Variants in ATP13A4 observed in about 807,000 individuals in gnomAD.
ATP13A4 encodes the protein probable cation-transporting ATPase 13A4.
A neutral mutation model predicts 142.5 loss-of-function variants in ATP13A4; 114 were observed. The ratio of observed to expected loss-of-function variants is 0.80; its 90% CI spans 0.69 to 0.93. The LOEUF (loss-of-function observed/expected upper bound fraction) is 0.93. Among genes scored for constraint, ATP13A4 ranks in the 40% least tolerant of loss-of-function variants. The pLI, the probability that ATP13A4 is intolerant of heterozygous loss-of-function variation, is 0.00. For missense variants in ATP13A4, 1,392 were observed against 1,454.0 expected, an observed-to-expected ratio of 0.96 and a Z score of 0.69; for synonymous variants, 488 against 514.8, an observed-to-expected ratio of 0.95 and a Z score of 0.70.
At chr3:193,563,417 C>G (rs1217275523) in intron 2 of ATP13A4, among the ~76,000 whole-genome samples, 4 of 152,178 alleles carry the variant, frequency 2.6e-5, no homozygotes, top group Non-Finnish European at 4.4e-5. Flanking sequence ...ACTACTCATT[C>G]CAATGTTAAG....
Position 193,477,719 on chromosome 3 carries a change from C to T in ATP13A4, c.808+6217G>A, listed in dbSNP as rs183910261. Among the ~76,000 whole-genome samples the T allele has an allele frequency of 2.0e-5, 3 of 152,146 alleles. No homozygotes were observed. The South Asian group carries it at 6.2e-4, about 32-fold the overall frequency. On this transcript the variant is annotated intron_variant, in intron 8 of 29. Transcript: ENST00000342695. ...AAACCAGACCAAGTCCAGATGACTA[C>T]TGAGTTCAGAACACAAAGATGAGCA...
intron 2 of ATP13A4, among the ~76,000 whole-genome samples, chr3:193,580,772 T>A (rs1015791615): frequency 4.6e-5 from 7 of 152,092 alleles, no homozygotes; most frequent in Non-Finnish European, 1.0e-4. Flanking sequence ...GTTTTGAACA[T>A]GACATTGGCT....
At chr3:193,503,613 C>T (rs1268475476) in intron 2 of ATP13A4, among the ~76,000 whole-genome samples, 1 of 152,134 alleles carries the variant, frequency 6.6e-6, no homozygotes, top group Non-Finnish European at 1.5e-5. Context: ...TGAAGAGTGC[C>T]CTAGCTGACT....
At chr3:193,440,717 G>GACTGC in intron 20 of ATP13A4, 80 bp from the exon 21 acceptor site, 1 of 1,433,774 alleles carries the variant, frequency 7.0e-7, no homozygotes, top group South Asian at 1.2e-5. Context: ...TCAGAATGTT[G>GACTGC]ACTGCATCAT....
chr3:193,516,320 C>T (rs777210324), intron 1 of ATP13A4, among the ~76,000 whole-genome samples: 1 of 152,158 alleles, frequency 6.6e-6, no homozygotes, highest in Non-Finnish European at 1.5e-5. Flanking sequence ...ATACAGGTGC[C>T]GAATGGCTTT....
intron 2 of ATP13A4, among the ~76,000 whole-genome samples, chr3:193,577,999 T>C (rs1404564314): frequency 1.6e-4 from 24 of 152,188 alleles, no homozygotes; most frequent in Non-Finnish European, 7.4e-5. Flanking sequence ...GCATAATAAA[T>C]ATTGCATTTC....
intron 26 of ATP13A4, among the ~76,000 whole-genome samples, chr3:193,412,611 G>C (rs1198484391): frequency 6.8e-6 from 1 of 147,296 alleles, no homozygotes; most frequent in Admixed American, 6.7e-5. Flanking sequence ...TGGATACATT[G>C]AGAGAGAGAG....
intron 27 of ATP13A4, among the ~76,000 whole-genome samples, chr3:193,411,952 T>A (rs1183909122): frequency 6.6e-6 from 1 of 152,242 alleles, no homozygotes; most frequent in Non-Finnish European, 1.5e-5. Context: ...GGCAAACTTC[T>A]GGCGAAGGAA....
chr3:193,586,100 CACACACACACACACACATAT>C (rs899442144), intron 1 of ATP13A4, among the ~76,000 whole-genome samples: 7 of 127,076 alleles, frequency 5.5e-5, no homozygotes, highest in African/African-American at 1.4e-4. Flanking sequence ...TACACACACA[CACACACACACACACACATAT>C]ACACACACAC....
Position 193,540,527 on chromosome 3 carries a change from C to CAA in ATP13A4, c.60+14211_60+14212dup, listed in dbSNP as rs11360543. ...ATTTTAGGTCACTAAGGCTCTCTGC[C>CAA]AAAAAAAAAAAAAAAAAAAAAAAAA... On this transcript the variant is annotated intron_variant, in intron 1 of 29. Coordinates refer to ENST00000342695, the MANE Select transcript of ATP13A4 (RefSeq NM_032279.4). 2.2e-3 allele frequency among the ~76,000 whole-genome samples: 97 copies of CAA among 44,788 alleles called. 4 individuals are homozygous for CAA. Among genetic ancestry groups the CAA allele is most frequent in the African/African-American group, 4.2e-3 (47 of 11,138 alleles). The allele number at this position is 44,788 out of a possible 152,430, so 29.4% of individuals were successfully genotyped here. A position where few individuals can be genotyped will look rare whatever the true frequency, so the allele number is the denominator to read the frequency against.
intron 1 of ATP13A4, among the ~76,000 whole-genome samples, chr3:193,587,358 C>T (rs1448433704): frequency 6.6e-6 from 1 of 152,242 alleles, no homozygotes. Flanking sequence ...ACGCCTACAT[C>T]ACTCCAAACT....
intron 8 of ATP13A4, among the ~76,000 whole-genome samples, chr3:193,480,361 T>C (rs923689021): frequency 6.6e-6 from 1 of 151,802 alleles, no homozygotes; most frequent in South Asian, 2.1e-4. Flanking sequence ...TGGGAGAAAA[T>C]CTTTGCAATC....
chr3:193,433,478 A>G (rs1305016021), intron 25 of ATP13A4, among the ~76,000 whole-genome samples: 3 of 152,210 alleles, frequency 2.0e-5, no homozygotes, highest in South Asian at 2.1e-4. Flanking sequence ...TATGAGAAAT[A>G]TAAAAGCCAT....
intron 17 of ATP13A4, among the ~76,000 whole-genome samples, chr3:193,452,971 C>T (rs1016378856): frequency 2.0e-5 from 3 of 151,626 alleles, no homozygotes; most frequent in Admixed American, 6.6e-5. Flanking sequence ...AGAGTTTTAC[C>T]AAGACTTGTT....
intron 28 of ATP13A4, 119 bp downstream of exon 28, chr3:193,410,863 G>A: frequency 5.8e-6 from 4 of 691,650 alleles, no homozygotes; most frequent in Non-Finnish European, 7.7e-6. Flanking sequence ...TTTTAGCTCT[G>A]CCATCCCAAA....
At chr3:193,535,138 T>G (rs999796829) in intron 1 of ATP13A4, among the ~76,000 whole-genome samples, 1 of 151,842 alleles carries the variant, frequency 6.6e-6, no homozygotes, top group African/African-American at 2.4e-5. Context: ...AAGCAGAAAA[T>G]TAACAAGGAT....
Position 193,399,483 on chromosome 3 carries a change from T to G in ATP13A4, c.*3169A>C, listed in dbSNP as rs1714193844. On this transcript the variant is annotated 3_prime_UTR_variant, in exon 30 of 30. Coordinates refer to ENST00000342695, the MANE Select transcript of ATP13A4 (RefSeq NM_032279.4). ...GTCTATATGTCCACACAATCGGATC[T>G]GACAAGGCTGGGAGCCCTCCCTCCA... Among the ~76,000 whole-genome samples the G allele has an allele frequency of 6.6e-6, 1 of 152,154 alleles. No homozygotes were observed. Among genetic ancestry groups the G allele is most frequent in the Admixed American group, 6.5e-5 (1 of 15,286 alleles).
At chr3:193,437,693 T>G (rs1191496046) in intron 23 of ATP13A4, among the ~76,000 whole-genome samples, 1 of 152,204 alleles carries the variant, frequency 6.6e-6, no homozygotes, top group East Asian at 1.9e-4. Context: ...ACATGTCAGT[T>G]ACAATAACCA....
chr3:193,416,682 GA>G lies in ATP13A4; in HGVS notation c.2843-1933del, dbSNP rs557509918. Among the ~76,000 whole-genome samples the G allele has an allele frequency of 4.1e-3, 617 of 149,312 alleles. 3 individuals carry two copies. The highest frequency in any genetic ancestry group is 0.015 in the African/African-American group (597 of 40,720). The stretch of plus-strand genomic sequence containing the variant: ...TTGAAAATATCCAACCTGAGGAACA[GA>G]AAAAAAAATGATAAACAAAAATGAA... On this transcript the variant is annotated intron_variant, in intron 25 of 29. Coordinates refer to ENST00000342695, the MANE Select transcript of ATP13A4 (RefSeq NM_032279.4).
Sources: allele counts gnomAD v4.1 joint callset (sites outside exome capture counted in the v4.1 genomes callset), GRCh38; gene constraint gnomAD v4.1.1; transcripts MANE v1.5; gene names NCBI Gene and HGNC (gene_info 2026-07-23, HGNC 2026-07-21).